MYO3B: variants seen among roughly 807,000 people sequenced by gnomAD.
MYO3B encodes the protein myosin-IIIb.
MYO3B carries 156 observed loss-of-function variants against 174.6 expected under a neutral mutation model. The observed-to-expected ratio is 0.89, with a 90% CI of 0.78 to 1.02. The LOEUF (loss-of-function observed/expected upper bound fraction) is 1.02. MYO3B is among the 50% of genes least tolerant of loss of function. The probability of loss-of-function intolerance (pLI) is 0.00; values close to 1 mark genes in which losing one functional copy is unlikely to be tolerated. For missense variants in MYO3B, 1,632 were observed against 1,639.4 expected (o/e 1.00, Z 0.08); for synonymous variants, 563 against 569.1 (o/e 0.99, Z 0.15).
chr2:170,538,686 C>A (rs565040764), intron 30 of MYO3B, among the ~76,000 whole-genome samples: 7 of 152,144 alleles, frequency 4.6e-5, no homozygotes, highest in African/African-American at 1.4e-4. Context: ...GGGTTCTCAA[C>A]GGTGACTGAG....
chr2:170,189,271 G>A (rs2092510109), intron 1 of MYO3B, among the ~76,000 whole-genome samples: 1 of 151,848 alleles, frequency 6.6e-6, no homozygotes, highest in African/African-American at 2.4e-5. Context: ...TTCACCTTTT[G>A]CAGTTTGATT....
intron 32 of MYO3B, among the ~76,000 whole-genome samples, chr2:170,634,496 G>A (rs972935858): frequency 5.9e-5 from 9 of 152,162 alleles, no homozygotes; most frequent in African/African-American, 1.9e-4. Context: ...TTACATGTTA[G>A]ACCTAAAACC....
At chr2:170,526,294 A>G (rs1688992557) in intron 30 of MYO3B, among the ~76,000 whole-genome samples, 3 of 152,230 alleles carry the variant, frequency 2.0e-5, no homozygotes, top group Non-Finnish European at 1.5e-5. Flanking sequence ...AATACTCAAT[A>G]AGAGATTATG....
At chr2:170,310,720 C>G (rs1343488013) in intron 7 of MYO3B, among the ~76,000 whole-genome samples, 4 of 137,874 alleles carry the variant, frequency 2.9e-5, no homozygotes, top group African/African-American at 1.1e-4. Context: ...AAAGGCAGTA[C>G]AACTTGAAGG....
chr2:170,519,139 C>T (rs187642368), intron 29 of MYO3B, among the ~76,000 whole-genome samples: 171 of 152,232 alleles, frequency 1.1e-3, no homozygotes, highest in Middle Eastern at 3.4e-3. Flanking sequence ...CTGCTTCTAC[C>T]GGGACCCAAA....
chr2:170,415,281 A>G (rs1250419708), intron 22 of MYO3B, among the ~76,000 whole-genome samples: 1 of 152,158 alleles, frequency 6.6e-6, no homozygotes. Context: ...AGACATACCC[A>G]TGGCTAACTT....
chr2:170,294,257 C>G (rs2093614664), intron 7 of MYO3B, among the ~76,000 whole-genome samples: 1 of 151,708 alleles, frequency 6.6e-6, no homozygotes. Flanking sequence ...TGCTGTTTCT[C>G]TACCACCAAT....
chr2:170,602,476 A>C (rs1258042839), intron 32 of MYO3B, among the ~76,000 whole-genome samples: 1 of 152,222 alleles, frequency 6.6e-6, no homozygotes, highest in Admixed American at 6.5e-5. Flanking sequence ...CACTTATAAC[A>C]AAGTTTTGAA....
At chr2:170,537,460 T>TTTTTTTTTTTTTTTTTTTTTTC (rs1689794233) in intron 30 of MYO3B, among the ~76,000 whole-genome samples, 1 of 77,030 alleles carries the variant, frequency 1.3e-5, no homozygotes, top group Non-Finnish European at 2.8e-5. Flanking sequence ...TTTTTTTTTT[T>TTTTTTTTTTTTTTTTTTTTTTC]TTTTTTTTTT....
At chr2:170,431,907 A>G (rs960830573) in intron 22 of MYO3B, among the ~76,000 whole-genome samples, 2 of 152,214 alleles carry the variant, frequency 1.3e-5, no homozygotes, top group Admixed American at 6.5e-5. Flanking sequence ...GTCCCATAAG[A>G]TTACAATGCA....
At chr2:170,314,423 G>T (rs937213805) in intron 7 of MYO3B, among the ~76,000 whole-genome samples, 1 of 152,160 alleles carries the variant, frequency 6.6e-6, no homozygotes, top group Non-Finnish European at 1.5e-5. Context: ...ATCTCTTGCA[G>T]CCATACTAGG....
chr2:170,232,080 C>A (rs1302779836), intron 6 of MYO3B, among the ~76,000 whole-genome samples: 1 of 152,140 alleles, frequency 6.6e-6, no homozygotes, highest in African/African-American at 2.4e-5. Flanking sequence ...CACTTACTTG[C>A]CTTCGTCAGT....
chr2:170,407,599 T>TCTGG, intron 21 of MYO3B, 116 bp from the exon 22 acceptor site: 7 of 1,109,748 alleles, frequency 6.3e-6, no homozygotes, highest in Non-Finnish European at 9.3e-6. Flanking sequence ...ATATGAAAGC[T>TCTGG]ATGTAAAGAT....
chr2:170,307,736 C>G (rs1383711293), intron 7 of MYO3B, among the ~76,000 whole-genome samples: 1 of 152,150 alleles, frequency 6.6e-6, no homozygotes, highest in Non-Finnish European at 1.5e-5. Context: ...GCAGGGTCAC[C>G]CCATAGGTAG....
intron 32 of MYO3B, among the ~76,000 whole-genome samples, chr2:170,631,633 A>G (rs1461001070): frequency 6.6e-6 from 1 of 152,006 alleles, no homozygotes; most frequent in Non-Finnish European, 1.5e-5. Context: ...TGAAGGAAAA[A>G]ATGTTAAGGG....
In MYO3B at chr2:170,649,123, T is replaced by TATA. The variant is rs1698696788; in HGVS notation, c.3734-2505_3734-2504insATA. Reference sequence around the variant, plus strand: ...ATATTATATATAAAATAATATATAATGTATATAAAATAATATATAATATAT... The same window carrying TATA: ...ATATTATATATAAAATAATATATAATATAGTATATAAAATAATATATAATATAT... On this transcript the variant is annotated intron_variant, in intron 32 of 34. Coordinates refer to ENST00000408978, the MANE Select transcript of MYO3B (RefSeq NM_138995.5). 2.5e-4 allele frequency among the ~76,000 whole-genome samples: 13 copies of TATA among 51,708 alleles called. 2 individuals are homozygous for TATA. The highest frequency in any genetic ancestry group is 3.8e-4 in the Non-Finnish European group (12 of 31,824). The allele number at this position is 51,708 out of a possible 152,430, so 33.9% of individuals were successfully genotyped here. A position where few individuals can be genotyped will look rare whatever the true frequency, so the allele number is the denominator to read the frequency against.
At position 170,318,747 on chromosome 2, in the gene MYO3B, G is replaced by A. The variant is rs181885928; in HGVS notation, c.750-16638G>A. 1.2e-3 allele frequency among the ~76,000 whole-genome samples: 179 copies of A among 152,216 alleles called. 1 individual carries two copies. The highest frequency in any genetic ancestry group is 4.0e-3 in the African/African-American group (165 of 41,546). On this transcript the variant is annotated intron_variant, in intron 7 of 34. Transcript: ENST00000408978. ...GCTGTAATTCTGAGTTGTTAGTGTG[G>A]GTTGGAGCTTGATGACAACTAACAC...
chr2:170,202,368 G>A (rs1438100129), intron 3 of MYO3B, among the ~76,000 whole-genome samples: 1 of 152,086 alleles, frequency 6.6e-6, no homozygotes, highest in Non-Finnish European at 1.5e-5. Flanking sequence ...GTCCCAGGAT[G>A]GGCAGTCTAA....
intron 7 of MYO3B, among the ~76,000 whole-genome samples, chr2:170,309,467 A>G (rs183779103): frequency 6.6e-6 from 1 of 151,958 alleles, no homozygotes; most frequent in African/African-American, 2.4e-5. Flanking sequence ...TATCTTTTCT[A>G]CCTTAGCTAA....
Sources: gnomAD v4.1 joint callset for allele counts (sites outside exome capture counted in the v4.1 genomes callset) on GRCh38, gnomAD v4.1.1 for gene constraint, MANE v1.5 for transcripts, NCBI Gene and HGNC (gene_info 2026-07-23, HGNC 2026-07-21) for gene names.